The following DENND5B variants were observed in gnomAD, a reference collection of about 807,000 sequenced individuals.
The protein encoded by DENND5B is DENN domain containing 5B.
DENND5B carries 34 observed loss-of-function variants against 140.6 expected under a neutral mutation model. That is an observed-to-expected ratio of 0.24 (90% confidence interval 0.18 to 0.32). The LOEUF is 0.32. DENND5B is among the 10% of genes least tolerant of loss of function. The pLI, the probability that DENND5B is intolerant of heterozygous loss-of-function variation, is 1.00. For synonymous variants in DENND5B, 551 were observed against 562.1 expected, an observed-to-expected ratio of 0.98 and a Z score of 0.28; for missense variants, 1,142 against 1,560.2, an observed-to-expected ratio of 0.73 and a Z score of 4.52.
intron 1 of DENND5B, among the ~76,000 whole-genome samples, chr12:31,551,017 G>C (rs895425626): frequency 6.6e-6 from 1 of 152,032 alleles, no homozygotes; most frequent in East Asian, 1.9e-4. Context: ...TAGGTTGCCT[G>C]TTCACTCTGA....
chr12:31,518,526 C>A (rs577900250), intron 1 of DENND5B, among the ~76,000 whole-genome samples: 1 of 152,026 alleles, frequency 6.6e-6, no homozygotes, highest in East Asian at 1.9e-4. Context: ...AATGGGCCAA[C>A]AGACTTTTCT....
At chr12:31,443,898 A>G (rs1367342905) in intron 6 of DENND5B, 1 of 152,248 alleles carries the variant, frequency 6.6e-6, no homozygotes, top group African/African-American at 2.4e-5. Flanking sequence ...GGCCTTTTGA[A>G]GAATAAAATA....
intron 11 of DENND5B, among the ~76,000 whole-genome samples, chr12:31,422,340 G>T (rs555745938): frequency 6.6e-6 from 1 of 152,004 alleles, no homozygotes; most frequent in South Asian, 2.1e-4. Context: ...TGAGGCAGGA[G>T]AATGGCATGA....
At chr12:31,432,262 G>A in intron 8 of DENND5B, 1 of 278,702 alleles carries the variant, frequency 3.6e-6, no homozygotes, top group Non-Finnish European at 5.4e-6. Flanking sequence ...CAAAAGAGAG[G>A]GAAGGGAAGA....
intron 15 of DENND5B, among the ~76,000 whole-genome samples, chr12:31,401,556 G>A (rs1941797963): frequency 6.6e-6 from 1 of 152,114 alleles, no homozygotes; most frequent in African/African-American, 2.4e-5. Flanking sequence ...ATCAACCTGT[G>A]TACAGGCTTA....
chr12:31,425,310 C>A (rs1233534917), intron 9 of DENND5B, among the ~76,000 whole-genome samples: 1 of 152,184 alleles, frequency 6.6e-6, no homozygotes, highest in Non-Finnish European at 1.5e-5. Context: ...GAGCGAGACT[C>A]TGTCTCAAAA....
chr12:31,417,988 G>C (rs1942837034), intron 11 of DENND5B, among the ~76,000 whole-genome samples: 2 of 152,166 alleles, frequency 1.3e-5, no homozygotes, highest in Admixed American at 6.5e-5. Context: ...GAACATTTTG[G>C]TGTATTCGGA....
At chr12:31,409,474 CT>C (rs139434599) in intron 13 of DENND5B, 90 bp from the exon 14 acceptor site, 118,677 of 284,612 alleles carry the variant, frequency 0.42, 13,588 homozygotes, top group East Asian at 0.64. Flanking sequence ...TTCATTATGT[CT>C]TTTTTTTTTT....
intron 1 of DENND5B, among the ~76,000 whole-genome samples, chr12:31,554,530 C>T (rs1949202513): frequency 6.6e-6 from 1 of 152,144 alleles, no homozygotes; most frequent in Non-Finnish European, 1.5e-5. Flanking sequence ...GTGAATCTGA[C>T]AATTATGTGT....
intron 2 of DENND5B, among the ~76,000 whole-genome samples, chr12:31,488,900 A>G (rs1346828843): frequency 6.6e-6 from 1 of 152,236 alleles, no homozygotes; most frequent in Non-Finnish European, 1.5e-5. Flanking sequence ...GACTACTACT[A>G]GTAACCAGAT....
At chr12:31,396,121 G>C (rs967265572) in intron 17 of DENND5B, among the ~76,000 whole-genome samples, 2 of 139,174 alleles carry the variant, frequency 1.4e-5, no homozygotes, top group Non-Finnish European at 3.0e-5. Flanking sequence ...AGTGCATGTA[G>C]TGCAGTGGCA....
rs927742751 is a variant in DENND5B, at chr12:31,482,738, A to G, written c.238-2483T>C. Among the ~76,000 whole-genome samples the G allele has an allele frequency of 2.6e-5, 4 of 152,226 alleles. No individual in the cohort carries two copies. The East Asian group carries it at 7.7e-4, about 29-fold the overall frequency. ...AGTAATTGTTTTGATCTTTACGCTT[A>G]CCACTCTAATCTAAGTCACCCTCTT... is the stretch of plus-strand genomic sequence containing the variant. On this transcript the variant is annotated intron_variant, in intron 2 of 20. Coordinates refer to ENST00000389082, the MANE Select transcript of DENND5B (RefSeq NM_144973.4).
chr12:31,495,930 T>C lies in DENND5B; in HGVS notation c.128-11A>G, dbSNP rs1946745482. ...GGTCAAAATTTTCGCCTACAACAAA[T>C]AATACATAGTTAATATCTAGAACTT... On this transcript the variant is annotated splice_polypyrimidine_tract_variant and intron_variant, in intron 1 of 20. Coordinates refer to ENST00000389082, the MANE Select transcript of DENND5B (RefSeq NM_144973.4). 1.9e-6 allele frequency: 3 copies of C among 1,566,152 alleles called. No homozygotes were observed. The highest frequency in any genetic ancestry group is 2.6e-6 in the Non-Finnish European group (3 of 1,146,074).
chr12:31,561,018 T>C (rs1472222517), intron 1 of DENND5B, among the ~76,000 whole-genome samples: 1 of 152,150 alleles, frequency 6.6e-6, no homozygotes, highest in African/African-American at 2.4e-5. Context: ...AGAGGGAGTA[T>C]TCTTACGAGA....
intron 4 of DENND5B, among the ~76,000 whole-genome samples, chr12:31,457,198 G>T (rs983972695): frequency 6.6e-6 from 1 of 152,214 alleles, no homozygotes; most frequent in Admixed American, 6.5e-5. Context: ...CTGTGAAGAT[G>T]AGTAAGAACA....
At chr12:31,413,393 C>A in intron 13 of DENND5B, 43 bp downstream of exon 13, 1 of 1,591,320 alleles carries the variant, frequency 6.3e-7, no homozygotes, top group South Asian at 1.1e-5. Flanking sequence ...TTTGTATGCA[C>A]ATGGATTATA....
At chr12:31,495,947 C>G (rs1457131277) in intron 1 of DENND5B, 28 bp from the exon 2 acceptor site, 1 of 1,488,226 alleles carries the variant, frequency 6.7e-7, no homozygotes, top group Admixed American at 2.1e-5. Context: ...TAGTTAATAT[C>G]TAGAACTTTT....
intron 1 of DENND5B, among the ~76,000 whole-genome samples, chr12:31,507,381 T>C (rs988586538): frequency 3.3e-5 from 5 of 152,210 alleles, no homozygotes; most frequent in African/African-American, 1.2e-4. Flanking sequence ...CAAGTGATCC[T>C]GCCTGGGCCT....
At chr12:31,527,371 G>A (rs115411324) in intron 1 of DENND5B, among the ~76,000 whole-genome samples, 14 of 152,174 alleles carry the variant, frequency 9.2e-5, no homozygotes, top group African/African-American at 2.9e-4. Flanking sequence ...TGAGTGAAGA[G>A]GAGAGAAAGC....
Sources: gnomAD v4.1 joint callset for allele counts (sites outside exome capture counted in the v4.1 genomes callset) on GRCh38, gnomAD v4.1.1 for gene constraint, MANE v1.5 for transcripts, NCBI Gene and HGNC (gene_info 2026-07-23, HGNC 2026-07-21) for gene names.